Variants in CSGALNACT1 observed in about 807,000 individuals in gnomAD.
The protein encoded by CSGALNACT1 is beta4GalNAcT-1.
Under a neutral mutation model 51.0 loss-of-function variants are expected in CSGALNACT1, and 52 were observed. The observed-to-expected ratio is 1.02, with a 90% CI of 0.82 to 1.29. The LOEUF (loss-of-function observed/expected upper bound fraction) is 1.29. Among genes scored for constraint, CSGALNACT1 ranks in the 50% most tolerant of loss-of-function variants. CSGALNACT1 has a pLI of 0.00. For synonymous variants in CSGALNACT1, 341 were observed against 254.4 expected (o/e 1.34, Z -3.24); for missense variants, 935 against 679.2 (o/e 1.38, Z -4.19).
At chr8:19,472,007 G>A (rs2068301447) in intron 4 of CSGALNACT1, among the ~76,000 whole-genome samples, 1 of 152,138 alleles carries the variant, frequency 6.6e-6, no homozygotes, top group African/African-American at 2.4e-5. Context: ...GGTTTCTAAT[G>A]AAGAAATGGC....
At chr8:19,523,608 T>G (rs2081139646) in intron 3 of CSGALNACT1, among the ~76,000 whole-genome samples, 1 of 152,140 alleles carries the variant, frequency 6.6e-6, no homozygotes, top group Admixed American at 6.5e-5. Context: ...ATTGTACTAT[T>G]AAAACAGAAA....
At chr8:19,529,783 G>C (rs1454190318) in intron 3 of CSGALNACT1, among the ~76,000 whole-genome samples, 2 of 152,140 alleles carry the variant, frequency 1.3e-5, no homozygotes, top group African/African-American at 4.8e-5. Flanking sequence ...TGCAGTACTT[G>C]TGTATAACCT....
chr8:19,649,818 G>GAAAAAAAAAAAAAA (rs1564347327), intron 1 of CSGALNACT1, among the ~76,000 whole-genome samples: 16 of 1,552 alleles, frequency 0.01, no homozygotes, highest in African/African-American at 0.026. Context: ...ATTCCAAGTA[G>GAAAAAAAAAAAAAA]CAAAAAAAAA....
chr8:19,449,003 C>A (rs762590139), intron 5 of CSGALNACT1, among the ~76,000 whole-genome samples: 4 of 152,074 alleles, frequency 2.6e-5, no homozygotes, highest in Non-Finnish European at 5.9e-5. Context: ...TCTCCCCTCC[C>A]CTGTGTCGAG....
chr8:19,728,474 G>C (rs537599510), intron 1 of CSGALNACT1, among the ~76,000 whole-genome samples: 1 of 152,138 alleles, frequency 6.6e-6, no homozygotes. Flanking sequence ...TCAACTCACT[G>C]GTGTGAGCTG....
intron 1 of CSGALNACT1, among the ~76,000 whole-genome samples, chr8:19,676,084 TAAAAAAC>T (rs2060161825): frequency 9.4e-6 from 1 of 106,202 alleles, no homozygotes; most frequent in African/African-American, 3.7e-5. Flanking sequence ...TTGTCTGATT[TAAAAAAC>T]AAAACAAAAC....
intron 1 of CSGALNACT1, among the ~76,000 whole-genome samples, chr8:19,681,471 G>A (rs113565309): frequency 6.6e-6 from 1 of 152,154 alleles, no homozygotes; most frequent in Non-Finnish European, 1.5e-5. Flanking sequence ...TTAAAAGGAA[G>A]AACTGGGGAC....
chr8:19,408,450 G>A (rs545748035), intron 9 of CSGALNACT1, among the ~76,000 whole-genome samples, 163 bp downstream of exon 8: 120 of 137,074 alleles, frequency 8.8e-4, no homozygotes, highest in Non-Finnish European at 1.4e-3. Flanking sequence ...GTGAGCCACC[G>A]CACCTAGTCT....
intron 3 of CSGALNACT1, among the ~76,000 whole-genome samples, chr8:19,549,389 T>G (rs930326274): frequency 6.6e-6 from 1 of 152,208 alleles, no homozygotes; most frequent in Non-Finnish European, 1.5e-5. Flanking sequence ...TGCTTCAATT[T>G]TTCATTTGGT....
upstream of CSGALNACT1, among the ~76,000 whole-genome samples, chr8:19,603,495 TC>T (rs1462295645): frequency 2.6e-5 from 4 of 152,212 alleles, no homozygotes; most frequent in African/African-American, 9.6e-5. Context: ...TCAATCTATG[TC>T]TACACCAAAT....
At chr8:19,707,023 G>T (rs2062211165) in intron 1 of CSGALNACT1, among the ~76,000 whole-genome samples, 1 of 151,904 alleles carries the variant, frequency 6.6e-6, no homozygotes, top group Admixed American at 6.6e-5. Context: ...TGTGAGATGG[G>T]GGAAGGAGAG....
At chr8:19,744,339 T>C (rs956319286) in intron 1 of CSGALNACT1, among the ~76,000 whole-genome samples, 8 of 152,200 alleles carry the variant, frequency 5.3e-5, no homozygotes, top group African/African-American at 1.7e-4. Flanking sequence ...ACGTCATAGA[T>C]TGAATAAAAC....
chr8:19,443,312 A>G (rs983143452), intron 5 of CSGALNACT1, among the ~76,000 whole-genome samples: 32 of 152,004 alleles, frequency 2.1e-4, no homozygotes, highest in African/African-American at 7.3e-4. Flanking sequence ...ATATGTAAAT[A>G]TATGCAAGTG....
chr8:19,558,618 A>G (rs1233898318), intron 3 of CSGALNACT1, among the ~76,000 whole-genome samples: 1 of 152,194 alleles, frequency 6.6e-6, no homozygotes, highest in East Asian at 1.9e-4. Context: ...TTAAACTTAA[A>G]AGACTTATTT....
At chr8:19,645,868 C>T (rs1420429456) in intron 1 of CSGALNACT1, among the ~76,000 whole-genome samples, 1 of 152,072 alleles carries the variant, frequency 6.6e-6, no homozygotes, top group African/African-American at 2.4e-5. Flanking sequence ...CTCTGTCCAC[C>T]CCACACCAAC....
chr8:19,483,853 G>T (rs1586944333), intron 4 of CSGALNACT1, among the ~76,000 whole-genome samples: 1 of 152,146 alleles, frequency 6.6e-6, no homozygotes. Context: ...CCAATGTATT[G>T]TCCTTTAATA....
At chr8:19,695,865 A>G (rs1017867612) in intron 1 of CSGALNACT1, among the ~76,000 whole-genome samples, 2 of 152,198 alleles carry the variant, frequency 1.3e-5, no homozygotes, top group Non-Finnish European at 2.9e-5. Flanking sequence ...CATTGGAGGA[A>G]GAAAAAAAAT....
chr8:19,705,803 T>C (rs1038330597), intron 1 of CSGALNACT1, among the ~76,000 whole-genome samples: 2 of 152,122 alleles, frequency 1.3e-5, no homozygotes, highest in African/African-American at 4.8e-5. Flanking sequence ...ATATTATGAA[T>C]AGATGTTTAA....
At chr8:19,500,708 C>G (rs1399438293) in intron 4 of CSGALNACT1, among the ~76,000 whole-genome samples, 1 of 152,228 alleles carries the variant, frequency 6.6e-6, no homozygotes, top group Non-Finnish European at 1.5e-5. Flanking sequence ...ACTGTACAAC[C>G]TGCTAATGTG....
Sources: gnomAD v4.1 joint callset for allele counts (sites outside exome capture counted in the v4.1 genomes callset) on GRCh38, gnomAD v4.1.1 for gene constraint, MANE v1.5 for transcripts, NCBI Gene and HGNC (gene_info 2026-07-23, HGNC 2026-07-21) for gene names.